MICAL2: variants seen among roughly 807,000 people sequenced by gnomAD.
The protein encoded by MICAL2 is microtubule associated monooxygenase, calponin and LIM domain containing 2.
In MICAL2, 77 loss-of-function variants were observed where a neutral mutation model predicts 127.3. The ratio of observed to expected loss-of-function variants is 0.60; its 90% confidence interval spans 0.50 to 0.73. The LOEUF (loss-of-function observed/expected upper bound fraction) is 0.73. MICAL2 is among the 30% of genes least tolerant of loss of function. The pLI, the probability that MICAL2 is intolerant of heterozygous loss-of-function variation, is 0.00. For missense variants in MICAL2, 1,351 were observed against 1,434.4 expected, an observed-to-expected ratio of 0.94 and a Z score of 0.94; for synonymous variants, 570 against 551.1, an observed-to-expected ratio of 1.03 and a Z score of -0.48.
intron 1 of MICAL2, among the ~76,000 whole-genome samples, chr11:12,126,282 G>A (rs2279565): frequency 0.08 from 12,114 of 152,246 alleles, 669 homozygotes; most frequent in East Asian, 0.21. Context: ...GTGAACTCCA[G>A]TATTTAAGGA....
Position 12,113,842 on chromosome 11 carries a change from G to T in MICAL2, c.-149+3116G>T, listed in dbSNP as rs7935692. On this transcript the variant is annotated intron_variant, in intron 1 of 27. Transcript: ENST00000683283. ...TGGGATGTATCTCCCTGAGATGAGG[G>T]GGGGCTACAGTACTTACCCTTTCTC... Among the ~76,000 whole-genome samples, 258 of 152,026 alleles carry T rather than the reference G, an allele frequency of 1.7e-3. 1 individual carries two copies. Among genetic ancestry groups the T allele is most frequent in the African/African-American group, 5.7e-3 (234 of 41,414 alleles).
intron 26 of MICAL2, chr11:12,260,906 A>C: frequency 6.1e-6 from 6 of 985,442 alleles, no homozygotes; most frequent in Non-Finnish European, 7.2e-6. Context: ...ACAAACATGC[A>C]TTTTCCCTTC....
intron 29 of MICAL2, among the ~76,000 whole-genome samples, chr11:12,308,503 C>G (rs4756830): frequency 0.47 from 70,751 of 151,984 alleles, 18,705 homozygotes; most frequent in Non-Finnish European, 0.59. Context: ...TATCTTTTAA[C>G]TATTTCATGT....
intron 7 of MICAL2, among the ~76,000 whole-genome samples, chr11:12,214,507 G>A (rs189940651): frequency 6.6e-6 from 1 of 152,174 alleles, no homozygotes; most frequent in Non-Finnish European, 1.5e-5. Context: ...AGGGGCTGTG[G>A]AATATCTCAT....
intron 29 of MICAL2, among the ~76,000 whole-genome samples, chr11:12,299,301 C>A (rs1166715432): frequency 2.6e-5 from 4 of 152,020 alleles, no homozygotes; most frequent in South Asian, 2.1e-4. Context: ...CTCAGTCCAC[C>A]AAACACACAC....
intron 29 of MICAL2, among the ~76,000 whole-genome samples, chr11:12,310,506 G>A (rs764596648): frequency 2.6e-5 from 4 of 151,962 alleles, no homozygotes; most frequent in Non-Finnish European, 5.9e-5. Flanking sequence ...CTTATTTCTG[G>A]GTTCTCTATT....
intron 24 of MICAL2, among the ~76,000 whole-genome samples, chr11:12,268,883 C>T (rs1480834716): frequency 3.3e-5 from 5 of 151,942 alleles, no homozygotes; most frequent in Non-Finnish European, 5.9e-5. Flanking sequence ...CCTGTAGTCC[C>T]AGCTACTCGG....
chr11:12,201,403 G>GC (rs568484606), intron 3 of MICAL2, among the ~76,000 whole-genome samples: 1 of 151,430 alleles, frequency 6.6e-6, no homozygotes, highest in Admixed American at 6.6e-5. Flanking sequence ...AGGGGAATGT[G>GC]TTTTTTTAAG....
intron 1 of MICAL2, among the ~76,000 whole-genome samples, chr11:12,136,256 A>C (rs970952787): frequency 2.0e-5 from 3 of 152,120 alleles, no homozygotes; most frequent in African/African-American, 2.4e-5. Context: ...AGGAAAATAT[A>C]GTGTCAGGGA....
chr11:12,301,454 G>A (rs1027823428), intron 29 of MICAL2, among the ~76,000 whole-genome samples: 3 of 152,158 alleles, frequency 2.0e-5, no homozygotes, highest in African/African-American at 7.2e-5. Flanking sequence ...GTGCTGTTAG[G>A]AGCACTCTTA....
chr11:12,220,540 G>T lies in MICAL2; in HGVS notation c.1206+82G>T, dbSNP rs1209403914. The T allele has an allele frequency of 2.6e-6, 4 of 1,524,760 alleles. No homozygotes were observed. The Admixed American group carries it at 5.7e-5, about 22-fold the overall frequency. 94.5% of individuals were successfully genotyped at this position (1,524,760 alleles called of 1,614,324 possible). ...ATTCTGGCAGGCAGTATCTGCTGTT[G>T]TGCAGCGGGGAGAGGACAGGCTCTC... On this transcript the variant is annotated intron_variant, in intron 9 of 27. Transcript: ENST00000683283.
chr11:12,293,911 A>G (rs746267838), downstream of MICAL2: 2 of 1,612,228 alleles, frequency 1.2e-6, no homozygotes, highest in South Asian at 2.2e-5. Context: ...GGAGTACTGG[A>G]GCCAGGAAGG....
intron 32 of MICAL2, among the ~76,000 whole-genome samples, chr11:12,336,804 G>C (rs370661131): frequency 1.8e-3 from 274 of 152,226 alleles, no homozygotes; most frequent in African/African-American, 6.3e-3. Flanking sequence ...GGATGAAGCT[G>C]ACTTGATCAT....
At chr11:12,194,986 A>G (rs976039988) in intron 3 of MICAL2, among the ~76,000 whole-genome samples, 1 of 152,220 alleles carries the variant, frequency 6.6e-6, no homozygotes, top group African/African-American at 2.4e-5. Flanking sequence ...CCTGGGCCAG[A>G]CACAGTGGCT....
chr11:12,349,990 G>C (rs908579146), intron 33 of MICAL2: 10 of 1,497,274 alleles, frequency 6.7e-6, no homozygotes, highest in African/African-American at 2.8e-5. Flanking sequence ...GGGGCAAAGG[G>C]GGGTGGCTTA....
At chr11:12,180,948 G>A (rs1228092035) in intron 3 of MICAL2, among the ~76,000 whole-genome samples, 8 of 65,560 alleles carry the variant, frequency 1.2e-4, no homozygotes, top group Admixed American at 7.1e-4. Flanking sequence ...TTTTTTTTGA[G>A]ATGGAGTTTT....
chr11:12,224,379 T>C, intron 12 of MICAL2: 1 of 353,014 alleles, frequency 2.8e-6, no homozygotes, highest in East Asian at 4.6e-5. Context: ...ACCCCCTCTG[T>C]GACTATCTTC....
intron 3 of MICAL2, among the ~76,000 whole-genome samples, chr11:12,196,739 G>A (rs1859983745): frequency 6.6e-6 from 1 of 152,164 alleles, no homozygotes; most frequent in Admixed American, 6.5e-5. Flanking sequence ...CCAAAGGGGA[G>A]GAATAAAGTC....
At chr11:12,330,898 A>AGTGTGTGTGTGT (rs757142831) in intron 32 of MICAL2, among the ~76,000 whole-genome samples, 19 of 121,198 alleles carry the variant, frequency 1.6e-4, no homozygotes, top group Non-Finnish European at 2.8e-4. Context: ...AGAGAGAGAG[A>AGTGTGTGTGTGT]GAGTGTGTGT....
Sources: allele counts gnomAD v4.1 joint callset (sites outside exome capture counted in the v4.1 genomes callset), GRCh38; gene constraint gnomAD v4.1.1; transcripts MANE v1.5; gene names NCBI Gene and HGNC (gene_info 2026-07-23, HGNC 2026-07-21).